MFHAS1: variants seen among roughly 807,000 people sequenced by gnomAD.
MFHAS1 encodes multifunctional ROCO family signaling regulator 1, also known as malignant fibrous histiocytoma-amplified sequence 1.
In MFHAS1, 50 loss-of-function variants were observed where a neutral mutation model predicts 70.4. The ratio of observed to expected loss-of-function variants is 0.71; its 90% CI spans 0.57 to 0.90. The LOEUF (loss-of-function observed/expected upper bound fraction) is 0.90. MFHAS1 is among the 40% of genes least tolerant of loss of function. The pLI is 0.00. For synonymous variants in MFHAS1, 952 were observed against 620.0 expected, an observed-to-expected ratio of 1.54 and a Z score of -7.96; for missense variants, 1,795 against 1,347.6, an observed-to-expected ratio of 1.33 and a Z score of -5.20.
intron 2 of MFHAS1, chr8:8,790,201 G>C (rs1805677557): frequency 6.0e-6 from 1 of 167,006 alleles, no homozygotes; most frequent in Admixed American, 6.6e-5. Flanking sequence ...TATAAGGTTT[G>C]TCTAGGATTC....
intron 2 of MFHAS1, among the ~76,000 whole-genome samples, chr8:8,789,871 C>G (rs963083630): frequency 1.3e-5 from 2 of 152,056 alleles, no homozygotes; most frequent in African/African-American, 4.8e-5. Context: ...CCCCTCTGCC[C>G]CAGGGCCACT....
chr8:8,872,572 A>G (rs1298839987), intron 1 of MFHAS1, among the ~76,000 whole-genome samples: 2 of 152,138 alleles, frequency 1.3e-5, no homozygotes, highest in African/African-American at 4.8e-5. Context: ...GTAAGCTTTT[A>G]ATGCCGCACC....
intron 1 of MFHAS1, among the ~76,000 whole-genome samples, chr8:8,849,192 T>C (rs1808150189): frequency 6.8e-6 from 1 of 147,826 alleles, no homozygotes; most frequent in African/African-American, 2.5e-5. Context: ...GCGATTCTCC[T>C]GCCTTAGCCT....
intron 1 of MFHAS1, among the ~76,000 whole-genome samples, chr8:8,857,041 T>A (rs1048558948): frequency 7.6e-6 from 1 of 131,654 alleles, no homozygotes; most frequent in South Asian, 2.5e-4. Context: ...AGGCTGTTCA[T>A]AATTTTGTTT....
At chr8:8,837,618 G>A (rs1044033137) in intron 1 of MFHAS1, among the ~76,000 whole-genome samples, 1 of 151,934 alleles carries the variant, frequency 6.6e-6, no homozygotes, top group East Asian at 1.9e-4. Context: ...ACTCCAGCCT[G>A]GGCGACAGAG....
chr8:8,891,513 C>T lies in MFHAS1; in HGVS notation c.1546G>A (p.Val516Met), dbSNP rs1408346789. The T allele has an allele frequency of 2.5e-6, 4 of 1,612,948 alleles. No homozygotes were observed. Among genetic ancestry groups the T allele is most frequent in the African/African-American group, 1.3e-5 (1 of 74,938 alleles). The change falls in exon 1 of 3, where the codon GTG becomes ATG. Residue 516 changes from valine (V) to methionine (M), a missense_variant. By Grantham distance (21) the Val-to-Met change is conservative (BLOSUM62 1). Coordinates refer to ENST00000276282, the MANE Select transcript of MFHAS1 (RefSeq NM_004225.3). The surrounding 1 kb of genome is among the most constrained non-coding windows in gnomAD (Gnocchi z 5.4). ...CCGACCCGATGCAAGAAGGAGCCCACGGTGGTAGGAAAGTGGCGAGGCTCA... is the reference window on the plus strand; with the variant it reads ...CCGACCCGATGCAAGAAGGAGCCCATGGTGGTAGGAAAGTGGCGAGGCTCA... Reference protein sequence around the residue: ...TYEPRHFPTTVGSFLHRVGAR... With the variant: ...TYEPRHFPTTMGSFLHRVGAR...
intron 1 of MFHAS1, among the ~76,000 whole-genome samples, chr8:8,857,542 A>AG (rs1274977659): frequency 2.0e-5 from 3 of 152,128 alleles, no homozygotes; most frequent in African/African-American, 7.2e-5. Flanking sequence ...GTGGATCACA[A>AG]GGTCAGGAGC....
chr8:8,813,623 G>C (rs982335826), intron 1 of MFHAS1, among the ~76,000 whole-genome samples: 1 of 151,958 alleles, frequency 6.6e-6, no homozygotes, highest in Non-Finnish European at 1.5e-5. Flanking sequence ...ATACAATAAG[G>C]ATATAAAGAA....
chr8:8,814,442 C>G (rs989969652), intron 1 of MFHAS1, among the ~76,000 whole-genome samples: 1 of 152,198 alleles, frequency 6.6e-6, no homozygotes, highest in South Asian at 2.1e-4. Flanking sequence ...TGCACTCTGT[C>G]ATGTTCGCAC....
At chr8:8,808,690 C>T (rs182014098) in intron 1 of MFHAS1, among the ~76,000 whole-genome samples, 16 of 152,298 alleles carry the variant, frequency 1.1e-4, no homozygotes, top group Admixed American at 8.5e-4. Flanking sequence ...GGTTACAGCA[C>T]CTGCTAAGTG....
At position 8,817,624 on chromosome 8, in the gene MFHAS1, C is replaced by T. The variant is rs1806796728; in HGVS notation, c.2999-20133G>A. Among the ~76,000 whole-genome samples the T allele has an allele frequency of 3.9e-5, 6 of 152,250 alleles. 1 individual carries two copies. Among genetic ancestry groups the T allele is most frequent in the Admixed American group, 3.9e-4 (6 of 15,290 alleles). On this transcript the variant is annotated intron_variant, in intron 1 of 2. Transcript: ENST00000276282. ...GCTCTCGCCCCTCCTGTTCTCCTTG[C>T]TGTGGCTCTAACCCAGCAGTCCCCA...
intron 1 of MFHAS1, among the ~76,000 whole-genome samples, chr8:8,864,270 T>C (rs1316314784): frequency 1.3e-5 from 2 of 152,174 alleles, no homozygotes; most frequent in Non-Finnish European, 2.9e-5. Context: ...ACAAAGCCAT[T>C]TTCTGCCCCT....
At chr8:8,828,401 T>C (rs906839697) in intron 1 of MFHAS1, among the ~76,000 whole-genome samples, 1 of 152,200 alleles carries the variant, frequency 6.6e-6, no homozygotes, top group African/African-American at 2.4e-5. Context: ...CTTGGGACAC[T>C]GCCAGTAGCT....
intron 1 of MFHAS1, among the ~76,000 whole-genome samples, chr8:8,800,206 G>A (rs1388994571): frequency 2.0e-5 from 3 of 152,176 alleles, no homozygotes; most frequent in Non-Finnish European, 4.4e-5. Context: ...ACAATATTAA[G>A]TGAATGTAAT....
chr8:8,815,861 T>C (rs1014455887), intron 1 of MFHAS1, among the ~76,000 whole-genome samples: 29 of 152,296 alleles, frequency 1.9e-4, no homozygotes, highest in African/African-American at 7.0e-4. Context: ...CAGCTTCATC[T>C]GAAGTAGTCA....
chr8:8,815,013 C>T (rs1050641058), intron 1 of MFHAS1, among the ~76,000 whole-genome samples: 2 of 152,114 alleles, frequency 1.3e-5, no homozygotes, highest in Admixed American at 6.5e-5. Context: ...AATGCCCTCC[C>T]TTTCTCACCG....
At chr8:8,886,837 C>T (rs1249016820) in intron 1 of MFHAS1, among the ~76,000 whole-genome samples, 1 of 152,070 alleles carries the variant, frequency 6.6e-6, no homozygotes, top group Non-Finnish European at 1.5e-5. Flanking sequence ...CTTAAAAAGA[C>T]AAAGGTGGCC....
intron 1 of MFHAS1, among the ~76,000 whole-genome samples, chr8:8,866,577 C>CA (rs574010569): frequency 2.8e-3 from 424 of 152,272 alleles, no homozygotes; most frequent in African/African-American, 9.7e-3. Flanking sequence ...CTCAACCTCT[C>CA]AAAGTTTTGG....
chr8:8,819,608 C>CAAAAAAAAA (rs201326485), intron 1 of MFHAS1, among the ~76,000 whole-genome samples: 23 of 91,030 alleles, frequency 2.5e-4, no homozygotes, highest in Non-Finnish European at 3.4e-4. Context: ...CAACTCAAAA[C>CAAAAAAAAA]AAAAAAAAAA....
Sources: gnomAD v4.1 joint callset for allele counts (sites outside exome capture counted in the v4.1 genomes callset) on GRCh38, gnomAD v4.1.1 for gene constraint, Gnocchi (gnomAD v3.1) non-coding constraint, MANE v1.5 for transcripts, NCBI Gene and HGNC (gene_info 2026-07-23, HGNC 2026-07-21) for gene names.